The following MCC variants were observed in gnomAD, a reference collection of about 807,000 sequenced individuals.
MCC encodes MCC regulator of Wnt signaling pathway.
A neutral mutation model predicts 116.2 loss-of-function variants in MCC; 90 were observed. The observed-to-expected ratio is 0.77, with a 90% CI of 0.65 to 0.92. MCC has a LOEUF of 0.92. MCC is among the 40% of genes least tolerant of loss of function. The pLI is 0.00. For synonymous variants in MCC, 578 were observed against 510.5 expected, an observed-to-expected ratio of 1.13 and a Z score of -1.78; for missense variants, 1,516 against 1,312.2, an observed-to-expected ratio of 1.16 and a Z score of -2.40.
chr5:113,216,767 C>T (rs1271772432), intron 3 of MCC, among the ~76,000 whole-genome samples: 3 of 152,172 alleles, frequency 2.0e-5, no homozygotes, highest in East Asian at 1.9e-4. Flanking sequence ...GTAGAAACCC[C>T]GAATAGGGGA....
chr5:113,115,545 G>A (rs1356268638), intron 6 of MCC, among the ~76,000 whole-genome samples: 1 of 151,930 alleles, frequency 6.6e-6, no homozygotes, highest in Non-Finnish European at 1.5e-5. Flanking sequence ...TCAACTCCAG[G>A]GAGCTGTCCT....
chr5:113,355,927 T>G (rs1768399843), intron 2 of MCC, among the ~76,000 whole-genome samples: 1 of 152,144 alleles, frequency 6.6e-6, no homozygotes, highest in South Asian at 2.1e-4. Flanking sequence ...CTGCATGGCA[T>G]CTGGCATCCC....
At chr5:113,401,529 C>T (rs1002022588) in intron 1 of MCC, among the ~76,000 whole-genome samples, 35 of 152,198 alleles carry the variant, frequency 2.3e-4, no homozygotes, top group African/African-American at 7.7e-4. Context: ...GTCCCATTGT[C>T]TTTCTCATTT....
At chr5:113,173,718 C>A (rs1761187066) in intron 3 of MCC, among the ~76,000 whole-genome samples, 1 of 152,168 alleles carries the variant, frequency 6.6e-6, no homozygotes, top group Non-Finnish European at 1.5e-5. Flanking sequence ...TTTCTGTTTT[C>A]TCAGTATATT....
intron 3 of MCC, among the ~76,000 whole-genome samples, chr5:113,159,029 A>AGC (rs1760335649): frequency 6.6e-6 from 1 of 152,136 alleles, no homozygotes; most frequent in African/African-American, 2.4e-5. Flanking sequence ...TCGTGATGGC[A>AGC]GCACCCATGT....
intron 3 of MCC, among the ~76,000 whole-genome samples, chr5:113,161,311 C>G (rs117801443): frequency 6.6e-6 from 1 of 152,066 alleles, no homozygotes; most frequent in African/African-American, 2.4e-5. Flanking sequence ...TTTCAGTGCA[C>G]GCTAAATACT....
At chr5:113,263,736 C>T (rs946167260) in intron 3 of MCC, among the ~76,000 whole-genome samples, 14 of 152,082 alleles carry the variant, frequency 9.2e-5, no homozygotes, top group Admixed American at 6.6e-4. Flanking sequence ...CTATTACCTA[C>T]GGGGGTTATC....
intron 13 of MCC, among the ~76,000 whole-genome samples, chr5:113,066,533 T>C (rs1161603841): frequency 1.3e-5 from 2 of 152,142 alleles, no homozygotes; most frequent in African/African-American, 2.4e-5. Flanking sequence ...TCCATACAAA[T>C]GAAGGTGTGC....
At chr5:113,307,472 A>G (rs554763993) in intron 3 of MCC, among the ~76,000 whole-genome samples, 4 of 152,292 alleles carry the variant, frequency 2.6e-5, no homozygotes, top group Admixed American at 2.6e-4. Flanking sequence ...CAGAATTGCA[A>G]TTGATTTTTG....
intron 2 of MCC, among the ~76,000 whole-genome samples, chr5:113,366,541 G>T (rs1768692692): frequency 6.6e-6 from 1 of 152,076 alleles, no homozygotes; most frequent in African/African-American, 2.4e-5. Flanking sequence ...AGCCCTCTAG[G>T]CTTCTAGATT....
intron 1 of MCC, among the ~76,000 whole-genome samples, chr5:113,454,040 G>A (rs777535550): frequency 3.3e-5 from 5 of 152,148 alleles, no homozygotes; most frequent in Non-Finnish European, 5.9e-5. Flanking sequence ...AACCCAGGAG[G>A]CGGAGTTTGC....
intron 6 of MCC, among the ~76,000 whole-genome samples, chr5:113,113,630 C>G (rs1757224282): frequency 8.4e-6 from 1 of 118,608 alleles, no homozygotes; most frequent in African/African-American, 3.1e-5. Context: ...TAATGAGGAC[C>G]ATAACCCACA....
chr5:113,086,555 G>A (rs1271122406), intron 8 of MCC, among the ~76,000 whole-genome samples: 1 of 152,154 alleles, frequency 6.6e-6, no homozygotes, highest in African/African-American at 2.4e-5. Context: ...CATTTAAAAC[G>A]TGCATTTACC....
At chr5:113,077,674 T>C (rs1049912348) in intron 11 of MCC, among the ~76,000 whole-genome samples, 4 of 152,216 alleles carry the variant, frequency 2.6e-5, no homozygotes, top group African/African-American at 9.6e-5. Flanking sequence ...GAGGGAAACT[T>C]ATAGCACTAA....
chr5:113,404,749 TA>T (rs1455659071), intron 1 of MCC, among the ~76,000 whole-genome samples: 1 of 152,108 alleles, frequency 6.6e-6, no homozygotes, highest in Non-Finnish European at 1.5e-5. Flanking sequence ...CCATGAATAC[TA>T]AACAGTCTTC....
chr5:113,143,974 A>G (rs1220092392), intron 4 of MCC, among the ~76,000 whole-genome samples: 1 of 152,192 alleles, frequency 6.6e-6, no homozygotes, highest in African/African-American at 2.4e-5. Context: ...ATGCTTTCCA[A>G]TATCATTATC....
At chr5:113,473,155 G>A (rs1772139855) in intron 1 of MCC, among the ~76,000 whole-genome samples, 1 of 152,092 alleles carries the variant, frequency 6.6e-6, no homozygotes, top group Admixed American at 6.5e-5. Context: ...ACCATAGAGG[G>A]ATAGCTTATG....
intron 5 of MCC, among the ~76,000 whole-genome samples, chr5:113,133,033 T>G (rs1758559660): frequency 6.6e-6 from 1 of 152,202 alleles, no homozygotes; most frequent in Admixed American, 6.5e-5. Flanking sequence ...TGATACCGGA[T>G]AGATACGTAT....
intron 1 of MCC, among the ~76,000 whole-genome samples, chr5:113,467,393 T>C (rs1228540055): frequency 6.6e-6 from 1 of 151,928 alleles, no homozygotes; most frequent in East Asian, 1.9e-4. Flanking sequence ...AGTTTCAACT[T>C]TCTACATATG....
Sources: gnomAD v4.1 joint callset for allele counts (sites outside exome capture counted in the v4.1 genomes callset) on GRCh38, gnomAD v4.1.1 for gene constraint, MANE v1.5 for transcripts, NCBI Gene and HGNC (gene_info 2026-07-23, HGNC 2026-07-21) for gene names.